SCN11A: variants seen among roughly 807,000 people sequenced by gnomAD.
SCN11A encodes sodium channel protein type 11 subunit alpha.
Under a neutral mutation model 162.2 loss-of-function variants are expected in SCN11A, and 122 were observed. That is an observed-to-expected ratio of 0.75 (90% CI 0.65 to 0.87). The LOEUF is 0.87. Ranked by LOEUF, SCN11A falls within the 40% of genes least tolerant of loss-of-function variation. SCN11A has a pLI of 0.00. For missense variants in SCN11A, 2,015 were observed against 2,181.6 expected (o/e 0.92, Z 1.52); for synonymous variants, 758 against 751.5 (o/e 1.01, Z -0.14).
intron 7 of SCN11A, among the ~76,000 whole-genome samples, chr3:38,932,610 C>T (rs577565456): frequency 4.4e-4 from 67 of 152,320 alleles, no homozygotes; most frequent in South Asian, 8.3e-4. Flanking sequence ...CACGGAGTCT[C>T]GCTGATTGCT....
At chr3:38,985,698 T>C (rs1282900303) in intron 2 of SCN11A, among the ~76,000 whole-genome samples, 2 of 150,986 alleles carry the variant, frequency 1.3e-5, no homozygotes. Context: ...GCATTTGCCA[T>C]TTGCTGGGAT....
chr3:38,978,585 G>A (rs150208250), intron 2 of SCN11A, among the ~76,000 whole-genome samples: 5,181 of 152,204 alleles, frequency 0.034, 228 homozygotes, highest in African/African-American at 0.1. Flanking sequence ...GGCAGAGGTT[G>A]CGGTGAACCG....
In SCN11A at chr3:38,852,023, T is replaced by G. The variant is rs138891736; in HGVS notation, c.4057-1272A>C. Among the ~76,000 whole-genome samples, 461 of 152,062 alleles carry G rather than the reference T, an allele frequency of 3.0e-3. 2 individuals carry two copies. Among genetic ancestry groups the G allele is most frequent in the African/African-American group, 0.01 (426 of 41,476 alleles). ...TAAGATCTGACCTGAGCAGGTTGAGTTGAGGTGCCAGTGGGGGGTCCAAGG... is the reference window on the plus strand; with the variant it reads ...TAAGATCTGACCTGAGCAGGTTGAGGTGAGGTGCCAGTGGGGGGTCCAAGG... On this transcript the variant is annotated intron_variant, in intron 28 of 29. Coordinates refer to ENST00000302328, the MANE Select transcript of SCN11A (RefSeq NM_001349253.2).
chr3:39,010,363 GA>G (rs1459363274), intron 2 of SCN11A, among the ~76,000 whole-genome samples: 11 of 148,892 alleles, frequency 7.4e-5, no homozygotes, highest in African/African-American at 2.8e-4. Flanking sequence ...AGTACAAACA[GA>G]AGTTTTAGTT....
At chr3:38,976,228 G>A (rs2066848412) in intron 2 of SCN11A, among the ~76,000 whole-genome samples, 1 of 152,076 alleles carries the variant, frequency 6.6e-6, no homozygotes. Context: ...TAAGAAGGCA[G>A]AAATATTGAA....
rs145427532 is a variant in SCN11A at position 38,997,509 on chromosome 3, G to A, written c.-280+34871C>T. Among the ~76,000 whole-genome samples the A allele has an allele frequency of 3.3e-3, 507 of 152,106 alleles. 3 individuals carry two copies. The highest frequency in any genetic ancestry group is 0.011 in the African/African-American group (436 of 41,484). ...ATGCTATGCTTTATTTTTATTTTTCGTTTCCATAGTACTTACTCTCTTTTA... is the reference window on the plus strand; with the variant it reads ...ATGCTATGCTTTATTTTTATTTTTCATTTCCATAGTACTTACTCTCTTTTA... On this transcript the variant is annotated intron_variant, in intron 2 of 29. Transcript: ENST00000302328.
At chr3:38,870,834 G>T in intron 25 of SCN11A, 90 bp from the exon 26 acceptor site, 1 of 1,071,708 alleles carries the variant, frequency 9.3e-7, no homozygotes, top group Non-Finnish European at 1.4e-6. Context: ...AGGCCCAGTG[G>T]GCTGAATATA....
At chr3:39,038,060 T>A (rs745907272) in intron 1 of SCN11A, among the ~76,000 whole-genome samples, 8 of 152,196 alleles carry the variant, frequency 5.3e-5, no homozygotes, top group Non-Finnish European at 1.2e-4. Context: ...GGTAAGAATA[T>A]CTTTGTGAGA....
intron 19 of SCN11A, among the ~76,000 whole-genome samples, chr3:38,892,880 A>C (rs1304814800): frequency 1.3e-5 from 2 of 152,140 alleles, no homozygotes; most frequent in African/African-American, 4.8e-5. Context: ...TTTTGAAAAA[A>C]CTAAAGTTAT....
chr3:38,905,781 G>A (rs2065783532), intron 14 of SCN11A, among the ~76,000 whole-genome samples: 2 of 152,272 alleles, frequency 1.3e-5, no homozygotes, highest in East Asian at 1.9e-4. Flanking sequence ...CCGCCTATAC[G>A]GTTTTTAAAA....
At chr3:38,978,041 C>T (rs187648611) in intron 2 of SCN11A, among the ~76,000 whole-genome samples, 1 of 152,266 alleles carries the variant, frequency 6.6e-6, no homozygotes, top group Non-Finnish European at 1.5e-5. Context: ...CTGTTGGAAC[C>T]TTCTGCAATA....
intron 7 of SCN11A, among the ~76,000 whole-genome samples, chr3:38,933,768 A>G (rs1486456294): frequency 3.3e-5 from 5 of 152,342 alleles, no homozygotes; most frequent in East Asian, 3.9e-4. Flanking sequence ...TGAAAGTGAC[A>G]GGGAGAATGG....
intron 5 of SCN11A, among the ~76,000 whole-genome samples, 155 bp from the exon 6 acceptor site, chr3:38,947,062 G>A (rs942566549): frequency 2.0e-5 from 3 of 152,174 alleles, no homozygotes; most frequent in Admixed American, 6.5e-5. Flanking sequence ...TACTCCAGAA[G>A]AATCAGAGAT....
intron 7 of SCN11A, among the ~76,000 whole-genome samples, chr3:38,928,141 T>TA (rs2066173305): frequency 6.6e-6 from 1 of 152,148 alleles, no homozygotes; most frequent in African/African-American, 2.4e-5. Flanking sequence ...TTACACCATA[T>TA]AAAAAATTAA....
At chr3:38,957,533 C>CGACTT (rs2066697101) in intron 3 of SCN11A, among the ~76,000 whole-genome samples, 1 of 152,168 alleles carries the variant, frequency 6.6e-6, no homozygotes, top group Non-Finnish European at 1.5e-5. Flanking sequence ...ATGCGGGTTA[C>CGACTT]GACTTGACGT....
At chr3:38,997,357 C>T (rs770761601) in intron 2 of SCN11A, among the ~76,000 whole-genome samples, 1 of 152,220 alleles carries the variant, frequency 6.6e-6, no homozygotes, top group Non-Finnish European at 1.5e-5. Context: ...CTGGAGTACT[C>T]GTCCCCAGAT....
intron 4 of SCN11A, among the ~76,000 whole-genome samples, chr3:38,952,914 A>T (rs1229053737): frequency 6.6e-6 from 1 of 152,200 alleles, no homozygotes; most frequent in African/African-American, 2.4e-5. Context: ...TTTACTCAGC[A>T]GAGGGAGAGA....
chr3:38,965,436 C>A (rs1214438327), intron 2 of SCN11A, among the ~76,000 whole-genome samples: 2 of 152,130 alleles, frequency 1.3e-5, no homozygotes, highest in Non-Finnish European at 2.9e-5. Flanking sequence ...GCCAGCTTCG[C>A]CCAGTGCAAG....
chr3:38,921,143 G>T lies in SCN11A; in HGVS notation c.825C>A (p.Phe275Leu). 2 of 1,614,118 alleles carry T rather than the reference G, an allele frequency of 1.2e-6. No homozygotes were observed. The highest frequency in any genetic ancestry group is 1.7e-6 in the Non-Finnish European group (2 of 1,179,952). The change falls in exon 10 of 30, where the codon TTC becomes TTA. Residue 275 changes from phenylalanine to leucine, a missense_variant. Phe to Leu is a conservative substitution (Grantham distance 22). Transcript: ENST00000302328. ...SIFALVGQQL[F>L]MGSLNLKCIS... ...TGCATTTCAGGTTCAGACTTCCCATGAAGAGCTGCTGACCTACCAGGGCAA... is the reference window on the plus strand; with the variant it reads ...TGCATTTCAGGTTCAGACTTCCCATTAAGAGCTGCTGACCTACCAGGGCAA...
Sources: gnomAD v4.1 joint callset for allele counts (sites outside exome capture counted in the v4.1 genomes callset) on GRCh38, gnomAD v4.1.1 for gene constraint, MANE v1.5 for transcripts, NCBI Gene and HGNC (gene_info 2026-07-23, HGNC 2026-07-21) for gene names.